MAPRE3: variants seen among roughly 807,000 people sequenced by gnomAD.
MAPRE3 encodes microtubule associated protein RP/EB family member 3.
A neutral mutation model predicts 30.5 loss-of-function variants in MAPRE3; 2 were observed. The ratio of observed to expected loss-of-function variants is 0.07; its 90% CI spans 0.03 to 0.21. The LOEUF (loss-of-function observed/expected upper bound fraction) is 0.21. Among genes scored for constraint, MAPRE3 ranks in the 10% least tolerant of loss-of-function variants. MAPRE3 has a pLI of 1.00. For synonymous variants in MAPRE3, 110 were observed against 127.7 expected (o/e 0.86, Z 0.93); for missense variants, 204 against 351.8 (o/e 0.58, Z 3.36).
chr2:27,000,372 TG>T (rs937900354), intron 1 of MAPRE3, among the ~76,000 whole-genome samples: 5 of 151,842 alleles, frequency 3.3e-5, no homozygotes, highest in African/African-American at 1.2e-4. Flanking sequence ...CTGTGAGAAA[TG>T]ACAGAGGTAT....
chr2:27,008,725 A>G (rs1666780825), intron 1 of MAPRE3, among the ~76,000 whole-genome samples: 1 of 152,196 alleles, frequency 6.6e-6, no homozygotes, highest in Non-Finnish European at 1.5e-5. Flanking sequence ...ACTTCCATGG[A>G]CAAAGCAAGA....
rs1255029910 is a variant in MAPRE3, at chr2:27,024,085, G to T, written c.268-11G>T. The stretch of plus-strand genomic sequence containing the variant: ...GTGGCTAAAGTACTCTGCTTATGTG[G>T]TCTATTTCAGATCATTCCTGTAGAG... On this transcript the variant is annotated splice_polypyrimidine_tract_variant and intron_variant, in intron 3 of 6. Transcript: ENST00000233121. 4 of 1,608,480 alleles carry T rather than the reference G, an allele frequency of 2.5e-6. No homozygotes were observed. Among genetic ancestry groups the T allele is most frequent in the Non-Finnish European group, 3.4e-6 (4 of 1,175,332 alleles).
In MAPRE3 at chr2:27,024,184, A is replaced by G. The variant is rs746905944; in HGVS notation, c.356A>G (p.Tyr119Cys). The G allele has an allele frequency of 1.9e-6, 3 of 1,614,228 alleles. No homozygotes were observed. Among genetic ancestry groups the G allele is most frequent in the East Asian group, 2.2e-5 (1 of 44,886 alleles). The change falls in exon 4 of 7, where the codon TAT (tyrosine) becomes TGT (cysteine). Residue 119 changes from tyrosine (Y) to cysteine (C), a missense_variant. By Grantham distance (194) the Tyr-to-Cys change is radical (BLOSUM62 -2). Coordinates refer to ENST00000233121, the MANE Select transcript of MAPRE3 (RefSeq NM_012326.4). ...QWFKKFFDAN[Y>C]DGKDYNPLLA... is the part of the protein sequence containing the mutation. ...TTTAAGAAATTCTTTGACGCAAACT[A>G]TGATGGAAAGGATTACAACCCTCTG...
At chr2:27,009,226 T>C (rs970786243) in intron 1 of MAPRE3, among the ~76,000 whole-genome samples, 6 of 152,216 alleles carry the variant, frequency 3.9e-5, no homozygotes, top group African/African-American at 1.4e-4. Context: ...ATAAGGTCTG[T>C]AGTTTACTTA....
At chr2:26,973,711 G>A (rs1047328013) in intron 1 of MAPRE3, among the ~76,000 whole-genome samples, 2 of 151,828 alleles carry the variant, frequency 1.3e-5, no homozygotes, top group South Asian at 2.1e-4. Context: ...GCCCGCCACC[G>A]CGCCCGGCTA....
chr2:26,978,667 C>G (rs896636040), intron 1 of MAPRE3, among the ~76,000 whole-genome samples: 4 of 152,166 alleles, frequency 2.6e-5, no homozygotes, highest in Admixed American at 6.5e-5. Context: ...TTCTATTACC[C>G]CAAAAGTATA....
intron 1 of MAPRE3, among the ~76,000 whole-genome samples, chr2:26,987,374 C>T (rs909120676): frequency 2.6e-5 from 4 of 152,146 alleles, no homozygotes; most frequent in Non-Finnish European, 5.9e-5. Context: ...CGGTGGCTCA[C>T]GCTTTTAATC....
intron 1 of MAPRE3, among the ~76,000 whole-genome samples, chr2:27,018,498 G>T (rs1667036194): frequency 6.6e-6 from 1 of 152,142 alleles, no homozygotes; most frequent in Non-Finnish European, 1.5e-5. Flanking sequence ...GCTGTTTCTA[G>T]CACACTTTGG....
chr2:27,020,145 C>G (rs1310900724), intron 1 of MAPRE3, among the ~76,000 whole-genome samples: 1 of 152,108 alleles, frequency 6.6e-6, no homozygotes, highest in Non-Finnish European at 1.5e-5. Context: ...GCATTCCAGA[C>G]AGAGGGTGAG....
intron 1 of MAPRE3, among the ~76,000 whole-genome samples, chr2:26,993,285 G>A (rs1666387504): frequency 6.6e-6 from 1 of 152,148 alleles, no homozygotes; most frequent in Non-Finnish European, 1.5e-5. Context: ...CAGGAGAGTT[G>A]CTTGAACCCA....
At chr2:26,990,467 G>T (rs1040942574) in intron 1 of MAPRE3, among the ~76,000 whole-genome samples, 5 of 152,108 alleles carry the variant, frequency 3.3e-5, no homozygotes, top group African/African-American at 1.2e-4. Context: ...GCAGAGGAAT[G>T]AATCCTTCTC....
chr2:27,022,194 TTTC>T lies in MAPRE3; in HGVS notation c.-7-12_-7-10del, dbSNP rs745561525. 5 of 1,612,322 alleles carry T rather than the reference TTTC, an allele frequency of 3.1e-6. No individual in the cohort carries two copies. In the East Asian group the frequency reaches 1.1e-4, roughly 36 times the overall value. On this transcript the variant is annotated splice_polypyrimidine_tract_variant and intron_variant, in intron 1 of 6. Transcript: ENST00000233121. The stretch of plus-strand genomic sequence containing the variant: ...ATGAGGCCCCAGTGCTGACCTCACC[TTTC>T]TTCTTGCTTTCCAGCTGGGGTATGG...
chr2:26,994,772 T>C (rs939398956), intron 1 of MAPRE3, among the ~76,000 whole-genome samples: 1 of 152,142 alleles, frequency 6.6e-6, no homozygotes, highest in Non-Finnish European at 1.5e-5. Context: ...TAGATACTTA[T>C]TAACTCATTA....
At chr2:27,016,017 T>G (rs568607379) in intron 1 of MAPRE3, among the ~76,000 whole-genome samples, 2 of 152,340 alleles carry the variant, frequency 1.3e-5, no homozygotes, top group South Asian at 2.1e-4. Context: ...GTATAGGAAA[T>G]GACTCAGCAA....
At chr2:27,019,528 C>T (rs1247823498) in intron 1 of MAPRE3, among the ~76,000 whole-genome samples, 5 of 152,120 alleles carry the variant, frequency 3.3e-5, no homozygotes, top group East Asian at 1.9e-4. Flanking sequence ...AGACATGGGG[C>T]GCAGGCATTT....
At chr2:26,988,043 A>G (rs1231377285) in intron 1 of MAPRE3, among the ~76,000 whole-genome samples, 1 of 152,218 alleles carries the variant, frequency 6.6e-6, no homozygotes, top group Non-Finnish European at 1.5e-5. Flanking sequence ...AAAAGAACCC[A>G]TTCTCCTGGG....
intron 1 of MAPRE3, among the ~76,000 whole-genome samples, chr2:26,971,677 G>T (rs904053162): frequency 6.6e-6 from 1 of 151,956 alleles, no homozygotes; most frequent in Non-Finnish European, 1.5e-5. Context: ...TTGGAAAAAG[G>T]CCTGATACCA....
intron 1 of MAPRE3, chr2:27,002,825 G>A (rs2148214111): frequency 6.6e-6 from 1 of 152,372 alleles, no homozygotes; most frequent in East Asian, 1.9e-4. Flanking sequence ...TCCCACCTGA[G>A]TCCTAATTCA....
At position 26,986,025 on chromosome 2, in the gene MAPRE3, A is replaced by G. The variant is rs1666211255; in HGVS notation, c.-8+15223A>G. ...GTTTTCAGCCACCCAGTTTGTGGTC[A>G]TTTGTCACAGTAGGCACAGGAAACT... On this transcript the variant is annotated intron_variant, in intron 1 of 6. Coordinates refer to ENST00000233121, the MANE Select transcript of MAPRE3 (RefSeq NM_012326.4). This position sits in a 1 kb window ranked among gnomAD's most constrained non-coding sequence, Gnocchi z 4.2. Among the ~76,000 whole-genome samples the G allele has an allele frequency of 1.3e-5, 2 of 152,192 alleles. No homozygotes were observed. Among genetic ancestry groups the G allele is most frequent in the South Asian group, 2.1e-4 (1 of 4,822 alleles).
Sources: allele counts gnomAD v4.1 joint callset (sites outside exome capture counted in the v4.1 genomes callset), GRCh38; gene constraint gnomAD v4.1.1; non-coding constraint Gnocchi (gnomAD v3.1); transcripts MANE v1.5; gene names NCBI Gene and HGNC (gene_info 2026-07-23, HGNC 2026-07-21).